RUVBL2: variants seen among roughly 807,000 people sequenced by gnomAD.
RUVBL2 encodes ruvB-like 2.
RUVBL2 carries 9 observed loss-of-function variants against 57.9 expected under a neutral mutation model. That is an observed-to-expected ratio of 0.16 (90% CI 0.09 to 0.27). The LOEUF is 0.27. RUVBL2 is among the 10% of genes least tolerant of loss of function. RUVBL2 has a pLI of 1.00. For missense variants in RUVBL2, 456 were observed against 669.6 expected (o/e 0.68, Z 3.52); for synonymous variants, 278 against 264.6 (o/e 1.05, Z -0.49).
chr19:48,993,539 C>G (rs2038986462), upstream of RUVBL2: 2 of 449,474 alleles, frequency 4.4e-6, no homozygotes, highest in Non-Finnish European at 8.2e-6. Flanking sequence ...CTCTGTCAAT[C>G]TGGAGCTGGA....
chr19:49,000,259 T>C (rs991122598), intron 2 of RUVBL2, among the ~76,000 whole-genome samples: 10 of 152,238 alleles, frequency 6.6e-5, no homozygotes, highest in African/African-American at 2.2e-4. Flanking sequence ...TTTCATCTAT[T>C]AAAAGTGCTG....
rs545069222 is a variant in RUVBL2, at chr19:49,014,278, C to T, written c.1002-206C>T. Among the ~76,000 whole-genome samples the T allele has an allele frequency of 1.3e-3, 194 of 152,200 alleles. 1 individual carries two copies. The highest frequency in any genetic ancestry group is 1.9e-3 in the Non-Finnish European group (129 of 68,040). ...TCTAGCTTAAAGCAGCCCAGCTCCG[C>T]GGAAAGGTGCCCTTGGGGGACTGAC... is the stretch of plus-strand genomic sequence containing the variant. On this transcript the variant is annotated intron_variant, in intron 11 of 14. Coordinates refer to ENST00000595090, the MANE Select transcript of RUVBL2 (RefSeq NM_006666.3).
intron 6 of RUVBL2, 119 bp from the exon 7 acceptor site, chr19:49,009,657 C>T: frequency 1.2e-6 from 1 of 842,430 alleles, no homozygotes; most frequent in Non-Finnish European, 2.0e-6. Context: ...GTGTTGTGCC[C>T]ATTTTGAAGC....
chr19:49,015,562 C>T lies in RUVBL2; in HGVS notation c.1252-10C>T, dbSNP rs1428670073. On this transcript the variant is annotated splice_polypyrimidine_tract_variant and intron_variant, in intron 13 of 14. Coordinates refer to ENST00000595090, the MANE Select transcript of RUVBL2 (RefSeq NM_006666.3). Reference sequence around the variant, plus strand: ...AGGGGCCCAACTGAGGACTCGCCCTCCCCCTCCAGGGTACAGAAGTGCAGG... The same window carrying T: ...AGGGGCCCAACTGAGGACTCGCCCTTCCCCTCCAGGGTACAGAAGTGCAGG... The T allele has an allele frequency of 1.9e-6, 3 of 1,606,298 alleles. No individual in the cohort carries two copies. The highest frequency in any genetic ancestry group is 3.3e-5 in the Admixed American group (2 of 59,998).
intron 2 of RUVBL2, among the ~76,000 whole-genome samples, chr19:49,000,007 T>G (rs1337960094): frequency 6.6e-6 from 1 of 152,146 alleles, no homozygotes; most frequent in Non-Finnish European, 1.5e-5. Context: ...GGCTCACTGA[T>G]TCAGGGCATC....
chr19:49,000,333 T>A (rs2039154070), intron 2 of RUVBL2, among the ~76,000 whole-genome samples: 1 of 152,224 alleles, frequency 6.6e-6, no homozygotes, highest in Non-Finnish European at 1.5e-5. Flanking sequence ...GGTGGGCGGA[T>A]CACCTGAGGT....
At position 49,010,483 on chromosome 19, in the gene RUVBL2, C is replaced by CCAAAA; in HGVS notation, c.664-5_664-4insCAAAA. On this transcript the variant is annotated splice_polypyrimidine_tract_variant and splice_region_variant and intron_variant, in intron 8 of 14. Transcript: ENST00000595090. ...CGCCGTTCTTCCCCCACCCCCGCCC[C>CCAAAA]ATAGACCAAGTTCGTGCAGTGCCCA... 3.2e-6 allele frequency: 5 copies of CCAAAA among 1,575,858 alleles called. No individual in the cohort carries two copies. Among genetic ancestry groups the CCAAAA allele is most frequent in the African/African-American group, 1.4e-5 (1 of 73,044 alleles).
At chr19:48,993,547 G>A (rs2038987052), upstream of RUVBL2, 1 of 459,792 alleles carries the variant, frequency 2.2e-6, no homozygotes, top group Non-Finnish European at 4.0e-6. Flanking sequence ...ATCTGGAGCT[G>A]GAGGCCTCAA....
chr19:49,003,476 G>A (rs1568635306), intron 3 of RUVBL2, 142 bp downstream of exon 3: 1 of 714,214 alleles, frequency 1.4e-6, no homozygotes, highest in Non-Finnish European at 2.4e-6. Context: ...ACCACATGTG[G>A]GTTTTCTTGG....
intron 3 of RUVBL2, 81 bp downstream of exon 3, chr19:49,003,415 G>C: frequency 7.6e-7 from 1 of 1,319,934 alleles, no homozygotes; most frequent in South Asian, 1.2e-5. Context: ...GGGGAGTGTG[G>C]GGACTATGTT....
At chr19:49,014,974 A>G (rs754750339) in intron 12 of RUVBL2, 47 bp from the exon 13 acceptor site, 8 of 1,561,968 alleles carry the variant, frequency 5.1e-6, no homozygotes, top group Non-Finnish European at 6.9e-6. Flanking sequence ...TGCTGCAGTC[A>G]GAGGCTGGGC....
chr19:48,993,504 C>CT, upstream of RUVBL2: 1 of 431,312 alleles, frequency 2.3e-6, no homozygotes, highest in South Asian at 2.2e-5. Flanking sequence ...TGCCGCTGCG[C>CT]TTTACGGAAA....
intron 1 of RUVBL2, among the ~76,000 whole-genome samples, chr19:48,998,606 G>T (rs981024515): frequency 1.3e-5 from 2 of 152,082 alleles, no homozygotes; most frequent in Non-Finnish European, 2.9e-5. Flanking sequence ...CTACTCAGGA[G>T]GCTGAGGCGG....
intron 1 of RUVBL2, 53 bp from the exon 2 acceptor site, chr19:48,999,266 T>C: frequency 6.3e-7 from 1 of 1,586,988 alleles, no homozygotes; most frequent in Non-Finnish European, 8.7e-7. Flanking sequence ...GAGGAGGGGT[T>C]GGTGAAAGCT....
At chr19:49,012,776 G>T (rs117737765) in intron 11 of RUVBL2, among the ~76,000 whole-genome samples, 2 of 152,008 alleles carry the variant, frequency 1.3e-5, no homozygotes, top group South Asian at 4.2e-4. Context: ...TTGAGACAGG[G>T]TCTTGCTCTG....
chr19:49,009,403 C>T lies in RUVBL2; in HGVS notation c.463-373C>T, dbSNP rs187639007. Among the ~76,000 whole-genome samples, 1,191 of 151,624 alleles carry T rather than the reference C, an allele frequency of 7.9e-3. 19 individuals are homozygous for T. The highest frequency in any genetic ancestry group is 0.027 in the African/African-American group (1,112 of 41,288). Reference sequence around the variant, plus strand: ...TCGGGAGGCTGAGGCAGGAGAATGGCGTGAACCCGGGAGGCAGAGCTTGCA... The same window carrying T: ...TCGGGAGGCTGAGGCAGGAGAATGGTGTGAACCCGGGAGGCAGAGCTTGCA... On this transcript the variant is annotated intron_variant, in intron 6 of 14. Coordinates refer to ENST00000595090, the MANE Select transcript of RUVBL2 (RefSeq NM_006666.3).
intron 1 of RUVBL2, among the ~76,000 whole-genome samples, chr19:48,995,869 C>A (rs917159902): frequency 1.3e-5 from 2 of 151,726 alleles, no homozygotes; most frequent in Admixed American, 6.6e-5. Context: ...TGCCTGTAGT[C>A]CCAACTACTC....
At chr19:48,996,502 C>CTGTGTGTGTGTGTG (rs72341497) in intron 1 of RUVBL2, among the ~76,000 whole-genome samples, 174 of 138,246 alleles carry the variant, frequency 1.3e-3, no homozygotes, top group African/African-American at 4.2e-3. Context: ...ATTTTTGTAT[C>CTGTGTGTGTGTGTG]TGTGTGTGTG....
Position 49,007,167 on chromosome 19 carries a change from C to A in RUVBL2, c.395+20C>A. On this transcript the variant is annotated intron_variant, in intron 5 of 14. Coordinates refer to ENST00000595090, the MANE Select transcript of RUVBL2 (RefSeq NM_006666.3). The stretch of plus-strand genomic sequence containing the variant: ...CATCAAGTAAGCGGGGGACCCGAGG[C>A]GGGTGCCAGACCCCAGAGCCTGGGA... 6.2e-7 allele frequency: 1 copy of A among 1,612,966 alleles called. No individual in the cohort carries two copies. Among genetic ancestry groups the A allele is most frequent in the Non-Finnish European group, 8.5e-7 (1 of 1,179,656 alleles).
Sources: allele counts gnomAD v4.1 joint callset (sites outside exome capture counted in the v4.1 genomes callset), GRCh38; gene constraint gnomAD v4.1.1; transcripts MANE v1.5; gene names NCBI Gene and HGNC (gene_info 2026-07-23, HGNC 2026-07-21).